The following PAQR5 variants were observed in gnomAD, a reference collection of about 807,000 sequenced individuals.
PAQR5 encodes membrane progestin receptor gamma.
PAQR5 carries 20 observed loss-of-function variants against 34.5 expected under a neutral mutation model. The observed-to-expected ratio is 0.58, with a 90% CI of 0.41 to 0.84. The LOEUF (loss-of-function observed/expected upper bound fraction) is 0.84, where lower values mean the gene tolerates loss of function less well. Ranked by LOEUF, PAQR5 falls within the 40% of genes least tolerant of loss-of-function variation. PAQR5 has a pLI of 0.00. For missense variants in PAQR5, 378 were observed against 412.7 expected (o/e 0.92, Z 0.73); for synonymous variants, 131 against 155.6 (o/e 0.84, Z 1.18).
At chr15:69,383,517 C>T (rs56283131) in intron 4 of PAQR5, among the ~76,000 whole-genome samples, 5 of 120,718 alleles carry the variant, frequency 4.1e-5, no homozygotes, top group Middle Eastern at 7.7e-3. Flanking sequence ...GACTGGCCCT[C>T]TGTGTTCATC....
intron 3 of PAQR5, among the ~76,000 whole-genome samples, chr15:69,361,759 A>G (rs528612813): frequency 4.7e-4 from 72 of 152,286 alleles, no homozygotes; most frequent in African/African-American, 1.7e-3. Flanking sequence ...TGTGGGAATT[A>G]TAGGGATTAC....
At chr15:69,334,881 G>C (rs528694428) in intron 1 of PAQR5, among the ~76,000 whole-genome samples, 1 of 152,268 alleles carries the variant, frequency 6.6e-6, no homozygotes, top group African/African-American at 2.4e-5. Context: ...GTTTGTAAAG[G>C]GTTGATCTTG....
chr15:69,382,137 T>C (rs2055900614), intron 4 of PAQR5, among the ~76,000 whole-genome samples: 1 of 152,148 alleles, frequency 6.6e-6, no homozygotes. Context: ...AAAATAGTTC[T>C]CTTGGCCTCG....
chr15:69,389,827 A>C (rs1003515693), intron 6 of PAQR5, 47 bp downstream of exon 6: 1 of 1,608,518 alleles, frequency 6.2e-7, no homozygotes, highest in South Asian at 1.1e-5. Context: ...AGGGTCTTGC[A>C]TGCAGCTCCC....
intron 3 of PAQR5, among the ~76,000 whole-genome samples, chr15:69,371,824 T>C (rs916724264): frequency 6.6e-6 from 1 of 152,228 alleles, no homozygotes; most frequent in Non-Finnish European, 1.5e-5. Flanking sequence ...TTTGTAGGCT[T>C]TTGCTAACAT....
intron 2 of PAQR5, among the ~76,000 whole-genome samples, chr15:69,339,472 T>C (rs2054590218): frequency 6.6e-6 from 1 of 152,114 alleles, no homozygotes; most frequent in Non-Finnish European, 1.5e-5. Flanking sequence ...TGGGTCTTTT[T>C]GGTTTCGTTT....
chr15:69,399,890 G>A (rs2056569399), intron 7 of PAQR5, 84 bp from the exon 8 acceptor site: 2 of 1,422,996 alleles, frequency 1.4e-6, no homozygotes, highest in Non-Finnish European at 1.9e-6. Context: ...AGCCCCCAAA[G>A]TCCCAGATGC....
At position 69,375,714 on chromosome 15, in the gene PAQR5, G is replaced by C. The variant is rs7170998; in HGVS notation, c.52-4169G>C. ...AATGCCCTAACCTCTCCAGGCCTCA[G>C]TTTCCTTTTCTGTGAAATGAGACAA... On this transcript the variant is annotated intron_variant, in intron 3 of 8. Coordinates refer to ENST00000395407, the MANE Select transcript of PAQR5 (RefSeq NM_017705.4). Among the ~76,000 whole-genome samples, 1,170 of 152,194 alleles carry C rather than the reference G, an allele frequency of 7.7e-3. 16 individuals carry two copies. The highest frequency in any genetic ancestry group is 0.027 in the African/African-American group (1,122 of 41,526).
At chr15:69,345,154 GGAAA>G (rs777398194) in intron 2 of PAQR5, among the ~76,000 whole-genome samples, 84 of 150,006 alleles carry the variant, frequency 5.6e-4, no homozygotes, top group East Asian at 2.1e-3. Flanking sequence ...AAAGAAGAAA[GGAAA>G]GAAAGAAAGA....
At chr15:69,310,430 T>C (rs996554811) in intron 1 of PAQR5, among the ~76,000 whole-genome samples, 2 of 152,194 alleles carry the variant, frequency 1.3e-5, no homozygotes, top group African/African-American at 4.8e-5. Flanking sequence ...CACCAATATT[T>C]GCCAATCTGG....
At chr15:69,357,931 TTCC>T (rs1246497650) in intron 2 of PAQR5, among the ~76,000 whole-genome samples, 3 of 152,200 alleles carry the variant, frequency 2.0e-5, no homozygotes, top group African/African-American at 7.2e-5. Context: ...GGGAGGCTTC[TTCC>T]TGAAGGGGCA....
chr15:69,300,617 CTTTCT>C (rs1566985212), intron 1 of PAQR5, among the ~76,000 whole-genome samples: 1 of 52,566 alleles, frequency 1.9e-5, no homozygotes, highest in African/African-American at 6.3e-5. Context: ...TTCTTTCTTT[CTTTCT>C]TTCTTTCTTT....
At chr15:69,343,713 C>A (rs1453297857) in intron 2 of PAQR5, among the ~76,000 whole-genome samples, 1 of 152,098 alleles carries the variant, frequency 6.6e-6, no homozygotes, top group Non-Finnish European at 1.5e-5. Context: ...AAATTGGCAG[C>A]ATTTGTGGGT....
At chr15:69,357,254 G>GTGTGTT (rs1555418305) in intron 2 of PAQR5, among the ~76,000 whole-genome samples, 7 of 149,368 alleles carry the variant, frequency 4.7e-5, no homozygotes, top group Non-Finnish European at 1.0e-4. Flanking sequence ...CAGTCTCAGG[G>GTGTGTT]TGTTTGTTTG....
intron 3 of PAQR5, 56 bp from the exon 4 acceptor site, chr15:69,379,827 G>T: frequency 1.3e-6 from 2 of 1,584,842 alleles, no homozygotes; most frequent in Non-Finnish European, 1.7e-6. Context: ...TTTCTCCAGA[G>T]ACCTTCGTGC....
rs1019479870 is a variant in PAQR5, at chr15:69,381,728, G to A, written c.179+1718G>A. Among the ~76,000 whole-genome samples, 5 of 152,262 alleles carry A rather than the reference G, an allele frequency of 3.3e-5. No homozygotes were observed. In the South Asian group the frequency reaches 1.0e-3, roughly 32 times the overall value. On this transcript the variant is annotated intron_variant, in intron 4 of 8. Coordinates refer to ENST00000395407, the MANE Select transcript of PAQR5 (RefSeq NM_017705.4). ...CTGGATCAAGATGCCCTAAGGAAAT[G>A]GGACCACTGAAAAATTGAAATAACT...
At chr15:69,341,681 G>C (rs529469948) in intron 2 of PAQR5, among the ~76,000 whole-genome samples, 1 of 151,920 alleles carries the variant, frequency 6.6e-6, no homozygotes, top group Non-Finnish European at 1.5e-5. Context: ...TCAGGCCGTC[G>C]CACCTGTAAT....
intron 1 of PAQR5, among the ~76,000 whole-genome samples, chr15:69,301,144 C>T (rs1264466734): frequency 1.3e-5 from 2 of 151,504 alleles, no homozygotes; most frequent in African/African-American, 4.8e-5. Flanking sequence ...GCTGGGATTA[C>T]AGGCGCCTGC....
intron 1 of PAQR5, among the ~76,000 whole-genome samples, chr15:69,318,380 G>C (rs2054002283): frequency 6.6e-6 from 1 of 151,880 alleles, no homozygotes; most frequent in African/African-American, 2.4e-5. Context: ...TAACACCCAG[G>C]TGGAGGCAGG....
Sources: gnomAD v4.1 joint callset for allele counts (sites outside exome capture counted in the v4.1 genomes callset) on GRCh38, gnomAD v4.1.1 for gene constraint, MANE v1.5 for transcripts, NCBI Gene and HGNC (gene_info 2026-07-23, HGNC 2026-07-21) for gene names.